The following COL4A4 variants were observed in gnomAD, a reference collection of about 807,000 sequenced individuals.
The protein encoded by COL4A4 is collagen type IV alpha 4 chain, also known as collagen alpha-4(IV) chain.
Under a neutral mutation model 192.9 loss-of-function variants are expected in COL4A4, and 105 were observed. The observed-to-expected ratio is 0.54, with a 90% CI of 0.46 to 0.64. COL4A4 has a LOEUF of 0.64. Ranked by LOEUF, COL4A4 falls within the 30% of genes least tolerant of loss-of-function variation. The pLI is 0.00. For missense variants in COL4A4, 1,967 were observed against 2,169.3 expected (o/e 0.91, Z 1.85); for synonymous variants, 762 against 769.9 (o/e 0.99, Z 0.17).
chr2:227,025,757 GA>G (rs1227998321), intron 43 of COL4A4, 44 bp downstream of exon 43: 1 of 1,573,358 alleles, frequency 6.4e-7, no homozygotes, highest in Non-Finnish European at 8.7e-7. Context: ...GAAATGACTA[GA>G]AACCAGAGTG....
chr2:227,153,624 G>A (rs1422652176), intron 1 of COL4A4, among the ~76,000 whole-genome samples: 1 of 152,098 alleles, frequency 6.6e-6, no homozygotes, highest in Non-Finnish European at 1.5e-5. Context: ...CACTCCTCTA[G>A]GAGAGTTGAA....
Position 227,033,493 on chromosome 2 carries a change from C to G in COL4A4, c.3506-12G>C, listed in dbSNP as rs766546926. 9 of 1,611,422 alleles carry G rather than the reference C, an allele frequency of 5.6e-6. No homozygotes were observed. The highest frequency in any genetic ancestry group is 7.6e-6 in the Non-Finnish European group (9 of 1,179,364). On this transcript the variant is annotated splice_polypyrimidine_tract_variant and intron_variant, in intron 37 of 47. Transcript: ENST00000396625. ...TGATCCGGAGGGACCTGAAAAACAC[C>G]ACAGGCCTGTGACCCAAAGGAAGAC...
At chr2:227,077,700 A>G (rs985884276) in intron 25 of COL4A4, among the ~76,000 whole-genome samples, 194 bp downstream of exon 25, 2 of 103,616 alleles carry the variant, frequency 1.9e-5, no homozygotes, top group African/African-American at 9.8e-5. Context: ...GAATACTGAG[A>G]AAAAAAAAAA....
rs2060519229 is a variant in COL4A4, at chr2:227,101,494, C to T, written c.1029+10G>A. The T allele has an allele frequency of 6.2e-7, 1 of 1,602,872 alleles. No individual in the cohort carries two copies. Among genetic ancestry groups the T allele is most frequent in the African/African-American group, 1.3e-5 (1 of 74,218 alleles). On this transcript the variant is annotated intron_variant, in intron 17 of 47. Transcript: ENST00000396625. ...TTATCAGGATATATTAAAATAGGCT[C>T]ACTTTTTACCTTTGGGCCAATTAAT...
chr2:227,128,972 C>T (rs528741512), intron 4 of COL4A4, among the ~76,000 whole-genome samples: 25 of 152,282 alleles, frequency 1.6e-4, no homozygotes, highest in African/African-American at 5.3e-4. Flanking sequence ...CACTTGTTTC[C>T]ATGAGGTCAG....
At chr2:227,049,995 G>T in intron 34 of COL4A4, 73 bp downstream of exon 34, 1 of 1,407,940 alleles carries the variant, frequency 7.1e-7, no homozygotes. Flanking sequence ...CATGTAAAAG[G>T]CACTTGTTTA....
intron 37 of COL4A4, among the ~76,000 whole-genome samples, chr2:227,036,477 G>A (rs1386091456): frequency 6.6e-6 from 1 of 152,172 alleles, no homozygotes. Flanking sequence ...CAGGCAAAAC[G>A]GGACAGCTGC....
intron 20 of COL4A4, among the ~76,000 whole-genome samples, chr2:227,091,896 G>A (rs1287307394): frequency 1.0e-5 from 1 of 99,992 alleles, no homozygotes. Flanking sequence ...TCTGTCTCAG[G>A]AAGAAAAAAG....
In COL4A4 at chr2:227,089,951, T is replaced by A; in HGVS notation, c.1376A>T (p.Tyr459Phe). The change falls in exon 21 of 48, where the codon TAC (tyrosine) becomes TTC (phenylalanine). Residue 459 changes from tyrosine to phenylalanine, a missense_variant. Coordinates refer to ENST00000396625, the MANE Select transcript of COL4A4 (RefSeq NM_000092.5). ...TGGTCCGGGGTTCCCAACACTACAG[T>A]ATATCACTGTCAAGGAGGTAAGGGG... ...LQGLPGSSVI[Y>F]CSVGNPGPQG... 1 of 1,612,982 alleles carries A rather than the reference T, an allele frequency of 6.2e-7. No individual in the cohort carries two copies. Among genetic ancestry groups the A allele is most frequent in the Non-Finnish European group, 8.5e-7 (1 of 1,179,178 alleles).
intron 9 of COL4A4, among the ~76,000 whole-genome samples, chr2:227,110,536 C>A (rs1160874751): frequency 6.6e-6 from 1 of 152,152 alleles, no homozygotes; most frequent in African/African-American, 2.4e-5. Flanking sequence ...CCACGCACCA[C>A]CACGTCTGGC....
chr2:227,094,927 GC>G (rs1351078162), intron 19 of COL4A4, among the ~76,000 whole-genome samples: 2 of 152,124 alleles, frequency 1.3e-5, no homozygotes, highest in Non-Finnish European at 2.9e-5. Context: ...TATAAAGTTT[GC>G]TTTTCCACAG....
intron 29 of COL4A4, among the ~76,000 whole-genome samples, chr2:227,056,812 G>A (rs1268332979): frequency 2.6e-5 from 4 of 152,182 alleles, no homozygotes; most frequent in African/African-American, 9.7e-5. Context: ...GTGCAAAAGA[G>A]CTGTTTGCCC....
the COL4A4 span, among the ~76,000 whole-genome samples, chr2:226,971,467 C>T: frequency 6.6e-6 from 1 of 152,162 alleles, no homozygotes; most frequent in African/African-American, 2.4e-5. Flanking sequence ...TTGTTTTGTT[C>T]CAAGCCAGTT....
chr2:227,085,613 G>A (rs955110053), intron 22 of COL4A4, among the ~76,000 whole-genome samples: 1 of 152,194 alleles, frequency 6.6e-6, no homozygotes, highest in African/African-American at 2.4e-5. Context: ...TGGGAAGCCA[G>A]TGTATCACAT....
intron 35 of COL4A4, among the ~76,000 whole-genome samples, chr2:227,046,818 T>G (rs1158653779): frequency 1.3e-5 from 2 of 152,022 alleles, no homozygotes; most frequent in African/African-American, 4.8e-5. Flanking sequence ...GGTCATCTAA[T>G]GTAGCCAGTT....
intron 37 of COL4A4, among the ~76,000 whole-genome samples, chr2:227,041,704 GA>G (rs1970896417): frequency 7.8e-6 from 1 of 128,660 alleles, no homozygotes; most frequent in African/African-American, 3.4e-5. Context: ...GAGAGAGAGA[GA>G]AGGAAGGAAG....
the COL4A4 span, among the ~76,000 whole-genome samples, chr2:226,970,528 G>A: frequency 6.6e-6 from 1 of 152,156 alleles, no homozygotes; most frequent in Non-Finnish European, 1.5e-5. Flanking sequence ...AGAGGGCACG[G>A]AAGCAGCCTT....
chr2:226,998,190 C>T (rs561276794), downstream of COL4A4: 7 of 152,278 alleles, frequency 4.6e-5, no homozygotes, highest in South Asian at 1.5e-3. Context: ...AAATTGCTTC[C>T]TCTTAATGAC....
chr2:227,119,850 C>T (rs1229328217), intron 6 of COL4A4, 45 bp downstream of exon 6: 3 of 1,447,522 alleles, frequency 2.1e-6, no homozygotes, highest in Admixed American at 1.8e-5. Context: ...TTGATGAGTA[C>T]TTCTGCCTTT....
Sources: gnomAD v4.1 joint callset for allele counts (sites outside exome capture counted in the v4.1 genomes callset) on GRCh38, gnomAD v4.1.1 for gene constraint, MANE v1.5 for transcripts, NCBI Gene and HGNC (gene_info 2026-07-23, HGNC 2026-07-21) for gene names.